Variants in SPO11 observed in about 807,000 individuals in gnomAD.
The protein encoded by SPO11 is meiotic recombination protein SPO11.
A neutral mutation model predicts 51.6 loss-of-function variants in SPO11; 49 were observed. The observed-to-expected ratio is 0.95, with a 90% CI of 0.75 to 1.20. The LOEUF (loss-of-function observed/expected upper bound fraction) is 1.20. Among genes scored for constraint, SPO11 ranks in the 50% most tolerant of loss-of-function variants. SPO11 has a pLI of 0.00. For synonymous variants in SPO11, 176 were observed against 158.2 expected (o/e 1.11, Z -0.84); for missense variants, 431 against 473.4 (o/e 0.91, Z 0.83).
intron 11 of SPO11, 50 bp downstream of exon 11, chr20:57,340,228 A>T: frequency 8.1e-7 from 1 of 1,227,456 alleles, no homozygotes; most frequent in Non-Finnish European, 1.2e-6. Context: ...GTTCATTATC[A>T]TATGTAACAA....
intron 7 of SPO11, 57 bp downstream of exon 7, chr20:57,335,512 T>C (rs1312693198): frequency 2.0e-5 from 31 of 1,540,852 alleles, no homozygotes; most frequent in Non-Finnish European, 2.7e-5. Context: ...CATTCATTAA[T>C]TCCTTTGGTA....
intron 3 of SPO11, among the ~76,000 whole-genome samples, 152 bp from the exon 4 acceptor site, chr20:57,333,524 TTTAACTGATTC>T: frequency 6.6e-6 from 1 of 152,224 alleles, no homozygotes; most frequent in East Asian, 1.9e-4. Flanking sequence ...AGCAATTAAT[TTTAACTGATTC>T]TGCAGGTAAT....
rs2066610642 is a variant in SPO11, at chr20:57,343,658, CTA to C, written c.*201_*202del. 2.4e-6 allele frequency: 1 copy of C among 419,654 alleles called. No homozygotes were observed. The highest frequency in any genetic ancestry group is 4.6e-5 in the Admixed American group (1 of 21,852). The allele number at this position is 419,654 out of a possible 1,614,324, so 26.0% of individuals were successfully genotyped here. On this transcript the variant is annotated 3_prime_UTR_variant, in exon 13 of 13. Transcript: ENST00000371263. ...TCTTTGCAAGGCCTTATTCTTGCCT[CTA>C]TAGAGACAGATTTCTGTCCTATCTT...
At chr20:57,335,965 G>A in intron 8 of SPO11, 58 bp downstream of exon 8, 2 of 964,274 alleles carry the variant, frequency 2.1e-6, no homozygotes, top group Non-Finnish European at 3.2e-6. Context: ...ATGGTGATTG[G>A]TAAGAGGATT....
chr20:57,338,890 G>A, intron 9 of SPO11, 99 bp from the exon 10 acceptor site: 1 of 718,894 alleles, frequency 1.4e-6, no homozygotes, highest in East Asian at 2.9e-5. Context: ...CACTGGTGAT[G>A]TCCACAAAAT....
chr20:57,340,392 C>T (rs1375479394), intron 11 of SPO11, among the ~76,000 whole-genome samples: 1 of 152,196 alleles, frequency 6.6e-6, no homozygotes, highest in Non-Finnish European at 1.5e-5. Flanking sequence ...TAATGTGTTA[C>T]ACTTTCAGCT....
In SPO11 at chr20:57,337,761, T is replaced by C. The variant is rs778828288; in HGVS notation, c.745-515T>C. The C allele has an allele frequency of 5.3e-6, 7 of 1,309,666 alleles. No homozygotes were observed. The African/African-American group carries it at 8.9e-5, about 17-fold the overall frequency. 81.1% of individuals were successfully genotyped at this position (1,309,666 alleles called of 1,614,324 possible). ...CAGTCAACACCAGTCTTTCAGCACC[T>C]GAAATCCAAGGTAGGAAGATGTAAC... On this transcript the variant is annotated intron_variant, in intron 8 of 12. Coordinates refer to ENST00000371263, the MANE Select transcript of SPO11 (RefSeq NM_012444.3).
At chr20:57,338,964 T>G (rs2066546774) in intron 9 of SPO11, 25 bp from the exon 10 acceptor site, 1 of 1,415,170 alleles carries the variant, frequency 7.1e-7, no homozygotes, top group Non-Finnish European at 9.7e-7. Context: ...GGAGACTAAT[T>G]TTATAGTTAA....
Position 57,334,098 on chromosome 20 carries a change from AAGT to A in SPO11, c.510+8_510+10del. ...TGTCAAGGAGGAGTCTACATATAGT[AAGT>A]AGTACCTAATACAAAACATTTTATT... On this transcript the variant is annotated splice_donor_5th_base_variant and intron_variant, in intron 5 of 12. Transcript: ENST00000371263. 1 of 1,356,768 alleles carries A rather than the reference AAGT, an allele frequency of 7.4e-7. No homozygotes were observed. Among genetic ancestry groups the A allele is most frequent in the Non-Finnish European group, 1.0e-6 (1 of 977,388 alleles). The allele number at this position is 1,356,768 out of a possible 1,614,324, so 84.0% of individuals were successfully genotyped here.
At chr20:57,336,711 T>C (rs2066517484) in intron 8 of SPO11, among the ~76,000 whole-genome samples, 1 of 152,208 alleles carries the variant, frequency 6.6e-6, no homozygotes, top group Non-Finnish European at 1.5e-5. Flanking sequence ...CCTTTAACCC[T>C]GTTTGACTCC....
Position 57,343,246 on chromosome 20 carries a change from T to C in SPO11, c.1072-95T>C, listed in dbSNP as rs1229347017. The C allele has an allele frequency of 2.8e-6, 4 of 1,444,634 alleles. No homozygotes were observed. The African/African-American group carries it at 5.8e-5, about 21-fold the overall frequency. The allele number at this position is 1,444,634 out of a possible 1,614,324, so 89.5% of individuals were successfully genotyped here. ...ACCCTTAAGACTATTGTCCCTGGTT[T>C]TGGAGAATAAAGCAATTCTAGATTA... On this transcript the variant is annotated intron_variant, in intron 12 of 12. Coordinates refer to ENST00000371263, the MANE Select transcript of SPO11 (RefSeq NM_012444.3).
chr20:57,338,096 A>G (rs1282449505), intron 8 of SPO11, among the ~76,000 whole-genome samples, 180 bp from the exon 9 acceptor site: 1 of 152,258 alleles, frequency 6.6e-6, no homozygotes, highest in South Asian at 2.1e-4. Flanking sequence ...CACGTTGGCC[A>G]GACTGGTCTC....
intron 8 of SPO11, chr20:57,337,920 T>A: frequency 2.0e-6 from 1 of 492,036 alleles, no homozygotes; most frequent in Non-Finnish European, 3.1e-6. Context: ...GGAGTTTCAC[T>A]CTTTTTGCCC....
chr20:57,342,241 TGGCCCA>T (rs1263859435), intron 11 of SPO11, among the ~76,000 whole-genome samples: 11 of 152,310 alleles, frequency 7.2e-5, no homozygotes, highest in African/African-American at 2.6e-4. Flanking sequence ...CTAACTTCCA[TGGCCCA>T]GAATCTTCAA....
Position 57,334,103 on chromosome 20 carries a change from G to T in SPO11, c.510+8G>T. ...AGGAGGAGTCTACATATAGTAAGTA[G>T]TACCTAATACAAAACATTTTATTTT... is the stretch of plus-strand genomic sequence containing the variant. On this transcript the variant is annotated splice_region_variant and intron_variant, in intron 5 of 12. Coordinates refer to ENST00000371263, the MANE Select transcript of SPO11 (RefSeq NM_012444.3). The T allele has an allele frequency of 7.8e-7, 1 of 1,282,922 alleles. No homozygotes were observed. Among genetic ancestry groups the T allele is most frequent in the Non-Finnish European group, 1.1e-6 (1 of 920,132 alleles). The allele number at this position is 1,282,922 out of a possible 1,614,324, so 79.5% of individuals were successfully genotyped here.
intron 10 of SPO11, among the ~76,000 whole-genome samples, chr20:57,339,547 T>G (rs924412778): frequency 6.6e-6 from 1 of 152,152 alleles, no homozygotes; most frequent in Admixed American, 6.6e-5. Flanking sequence ...CCAGAACTAC[T>G]GAGCCAAAAT....
chr20:57,329,895 G>A lies in SPO11; in HGVS notation c.28G>A (p.Ala10Thr). The A allele has an allele frequency of 2.5e-6, 4 of 1,613,848 alleles. No individual in the cohort carries two copies. The highest frequency in any genetic ancestry group is 8.5e-7 in the Non-Finnish European group (1 of 1,179,888). The part of the protein sequence containing the change: MAFAPMGPE[A>T]SFFDVLDRHR... ...GGCCTTTGCACCTATGGGGCCCGAG[G>A]CCTCGTTCTTCGACGTTTTGGACCG... Residue 10 changes from alanine (A) to threonine (T), a missense_variant, in exon 1 of 13, where the codon GCC becomes ACC. Around this residue, in one of 3 missense-constraint regions of SPO11, gnomAD observed 405 missense variants for 425.9 expected, o/e 0.95. Transcript: ENST00000371263.
At chr20:57,343,104 A>G (rs28368100) in intron 12 of SPO11, among the ~76,000 whole-genome samples, 2,647 of 152,214 alleles carry the variant, frequency 0.017, 59 homozygotes, top group African/African-American at 0.053. Flanking sequence ...TGTGGGATTA[A>G]AAAAAGGAAG....
rs549397131 is a variant in SPO11, at chr20:57,329,885, G to A, written c.18G>A (p.Met6Ile). 6.2e-7 allele frequency: 1 copy of A among 1,613,722 alleles called. No homozygotes were observed. Among genetic ancestry groups the A allele is most frequent in the Non-Finnish European group, 8.5e-7 (1 of 1,179,814 alleles). ...CTGCCCTCATGGCCTTTGCACCTAT[G>A]GGGCCCGAGGCCTCGTTCTTCGACG... Reference protein sequence around the residue: MAFAPMGPEASFFDVL... With the variant: MAFAPIGPEASFFDVL... Residue 6 changes from methionine (M) to isoleucine (I), a missense_variant, in exon 1 of 13, where the codon ATG (methionine) becomes ATA (isoleucine). Transcript: ENST00000371263.
Sources: allele counts gnomAD v4.1 joint callset (sites outside exome capture counted in the v4.1 genomes callset), GRCh38; gene constraint gnomAD v4.1.1; regional missense constraint gnomAD v4.1.1; transcripts MANE v1.5; gene names NCBI Gene and HGNC (gene_info 2026-07-23, HGNC 2026-07-21).